The following WNK3 variants were observed in gnomAD, a reference collection of about 807,000 sequenced individuals.
WNK3 encodes WNK lysine deficient protein kinase 3, also known as serine/threonine-protein kinase WNK3.
In WNK3, 18 loss-of-function variants were observed where a neutral mutation model predicts 116.7. That is an observed-to-expected ratio of 0.15 (90% CI 0.11 to 0.23). The LOEUF is 0.23. Ranked by LOEUF, WNK3 falls within the 10% of genes least tolerant of loss-of-function variation. The probability of loss-of-function intolerance (pLI) is 1.00; values close to 1 mark genes in which losing one functional copy is unlikely to be tolerated. For synonymous variants in WNK3, 404 were observed against 469.4 expected, an observed-to-expected ratio of 0.86 and a Z score of 1.80; for missense variants, 993 against 1,323.8, an observed-to-expected ratio of 0.75 and a Z score of 3.88.
chrX:54,315,584 C>T (rs918900868), intron 2 of WNK3, among the ~76,000 whole-genome samples: 2 of 111,269 alleles, frequency 1.8e-5, no homozygotes, highest in African/African-American at 6.5e-5. Context: ...AGCCTTTTCC[C>T]CTTAATGGTC....
At chrX:54,280,710 T>A (rs1438098983) in intron 10 of WNK3, among the ~76,000 whole-genome samples, 3 of 111,223 alleles carry the variant, frequency 2.7e-5, no homozygotes, top group African/African-American at 9.8e-5. Flanking sequence ...TGTTCTCACA[T>A]ATAAGTGGGA....
chrX:54,236,015 G>C (rs1557150004), intron 20 of WNK3, among the ~76,000 whole-genome samples: 1 of 112,271 alleles, frequency 8.9e-6, no homozygotes, highest in East Asian at 2.8e-4. Flanking sequence ...TAGTTCAGCT[G>C]CAGTGCTAGG....
intron 22 of WNK3, among the ~76,000 whole-genome samples, chrX:54,213,831 T>C (rs1437146920): frequency 9.0e-6 from 1 of 110,639 alleles, no homozygotes; most frequent in East Asian, 2.8e-4. Flanking sequence ...ATAATGTTCA[T>C]ATTATCTGTA....
intron 15 of WNK3, 98 bp from the exon 16 acceptor site, chrX:54,250,229 T>C: frequency 1.2e-6 from 1 of 847,186 alleles, no homozygotes; most frequent in Non-Finnish European, 1.6e-6. Flanking sequence ...ATTTGTCTTA[T>C]ATCTCCATTT....
At chrX:54,217,315 CAAAAA>C (rs782153999) in intron 22 of WNK3, among the ~76,000 whole-genome samples, 1 of 49,940 alleles carries the variant, frequency 2.0e-5, no homozygotes, top group Admixed American at 2.8e-4. Flanking sequence ...AAGACTCCAT[CAAAAA>C]AAAAAAAAAA....
chrX:54,246,537 G>A (rs1358200493), intron 17 of WNK3, among the ~76,000 whole-genome samples: 1 of 111,004 alleles, frequency 9.0e-6, no homozygotes, highest in Non-Finnish European at 1.9e-5. Context: ...AATAGTTACC[G>A]GAGCTGAAAA....
At chrX:54,316,523 G>C (rs782403585) in intron 2 of WNK3, among the ~76,000 whole-genome samples, 14 of 95,022 alleles carry the variant, frequency 1.5e-4, no homozygotes, top group Non-Finnish European at 1.4e-4. Context: ...CTGGGCAATA[G>C]AGCGAGACTC....
intron 2 of WNK3, among the ~76,000 whole-genome samples, chrX:54,322,626 T>C: frequency 8.9e-6 from 1 of 112,070 alleles, no homozygotes; most frequent in South Asian, 3.7e-4. Context: ...ATGTAAATGC[T>C]TTACATAGAT....
rs371670180 is a variant in WNK3 at position 54,274,724 on chromosome X, G to A, written c.2038-15386C>T. ...GTGTACAGATAAGTTCAAAGATGATGGGAGCTGATGGTGGCTAATGCCTAT... is the reference window on the plus strand; with the variant it reads ...GTGTACAGATAAGTTCAAAGATGATAGGAGCTGATGGTGGCTAATGCCTAT... On this transcript the variant is annotated intron_variant, in intron 10 of 23. Transcript: ENST00000354646. Among the ~76,000 whole-genome samples, 24 of 111,799 alleles carry A rather than the reference G, an allele frequency of 2.1e-4. No homozygotes were observed. In the South Asian group the frequency reaches 5.3e-3, roughly 25 times the overall value.
At chrX:54,262,937 AAAAAAAAAAAAG>A (rs2068270993) in intron 10 of WNK3, among the ~76,000 whole-genome samples, 1 of 7,728 alleles carries the variant, frequency 1.3e-4, no homozygotes, top group East Asian at 0.017. Flanking sequence ...TCTCAAAAAA[AAAAAAAAAAAAG>A]AAAAGAAAAG....
At chrX:54,273,504 T>C (rs1037145882) in intron 10 of WNK3, among the ~76,000 whole-genome samples, 38 of 111,661 alleles carry the variant, frequency 3.4e-4, no homozygotes, top group African/African-American at 1.2e-3. Flanking sequence ...ATTGTGCCAC[T>C]GCACTCCAGC....
chrX:54,218,270 C>T (rs1260917246), intron 22 of WNK3, among the ~76,000 whole-genome samples: 4 of 110,876 alleles, frequency 3.6e-5, no homozygotes, highest in African/African-American at 1.3e-4. Flanking sequence ...TTTTGGCATA[C>T]GCAGGAGTCC....
chrX:54,305,216 CCTAA>C (rs1326619286), intron 5 of WNK3, among the ~76,000 whole-genome samples: 2 of 110,746 alleles, frequency 1.8e-5, no homozygotes, highest in East Asian at 2.8e-4. Context: ...AACATCACTC[CCTAA>C]CTATTTTACT....
chrX:54,253,479 C>T (rs1363512456), intron 13 of WNK3, among the ~76,000 whole-genome samples: 1 of 110,588 alleles, frequency 9.0e-6, no homozygotes, highest in African/African-American at 3.3e-5. Context: ...ATTGCCTAGG[C>T]TGGTCTTGAA....
chrX:54,241,061 A>G (rs1378779848), intron 17 of WNK3, among the ~76,000 whole-genome samples: 1 of 111,535 alleles, frequency 9.0e-6, no homozygotes, highest in Non-Finnish European at 1.9e-5. Flanking sequence ...CTCCAGACCA[A>G]GCAAAGGGCA....
At chrX:54,209,031 C>T (rs1557143229) in intron 22 of WNK3, among the ~76,000 whole-genome samples, 2 of 111,329 alleles carry the variant, frequency 1.8e-5, no homozygotes, top group South Asian at 7.6e-4. Context: ...AACATGTGTT[C>T]AGGATAAATC....
intron 2 of WNK3, among the ~76,000 whole-genome samples, chrX:54,328,515 G>A (rs2069131998): frequency 1.8e-5 from 2 of 110,184 alleles, no homozygotes; most frequent in South Asian, 7.8e-4. Context: ...TGGCTATTCG[G>A]GAGGATCCTG....
exon 15 of WNK3, chrX:54,251,439 A>T (rs1264193356): frequency 1.7e-6 from 2 of 1,186,814 alleles, no homozygotes; most frequent in Non-Finnish European, 2.3e-6. Context: ...GTACTTGTTC[A>T]GATGACCCTG....
At chrX:54,326,280 C>A (rs2069103723) in intron 2 of WNK3, among the ~76,000 whole-genome samples, 1 of 110,466 alleles carries the variant, frequency 9.1e-6, no homozygotes, top group African/African-American at 3.3e-5. Flanking sequence ...TTAGTAGAGA[C>A]GAGATTTCAC....
Sources: gnomAD v4.1 joint callset for allele counts (sites outside exome capture counted in the v4.1 genomes callset) on GRCh38, gnomAD v4.1.1 for gene constraint, MANE v1.5 for transcripts, NCBI Gene and HGNC (gene_info 2026-07-23, HGNC 2026-07-21) for gene names.